The following DDX50 variants were observed in gnomAD, a reference collection of about 807,000 sequenced individuals.
DDX50 encodes the protein ATP-dependent RNA helicase DDX50.
Under a neutral mutation model 94.8 loss-of-function variants are expected in DDX50, and 56 were observed. The observed-to-expected ratio is 0.59, with a 90% CI of 0.48 to 0.74. The LOEUF is 0.74. Ranked by LOEUF, DDX50 falls within the 30% of genes least tolerant of loss-of-function variation. The pLI is 0.00. For missense variants in DDX50, 713 were observed against 881.2 expected (o/e 0.81, Z 2.42); for synonymous variants, 264 against 295.4 (o/e 0.89, Z 1.09).
At chr10:68,938,145 C>G (rs971614566) in intron 12 of DDX50, among the ~76,000 whole-genome samples, 27 of 152,238 alleles carry the variant, frequency 1.8e-4, no homozygotes, top group Admixed American at 1.4e-3. Flanking sequence ...TTGCACAGAC[C>G]TTTGTTAACT....
At position 68,929,945 on chromosome 10, in the gene DDX50, C is replaced by T. The variant is rs183432172; in HGVS notation, c.1240-4254C>T. ...ACGGGGTTTTGCCATGTTGGCCAGG[C>T]TGGTCTGGAACTCCTGACCTCAAGT... is the stretch of plus-strand genomic sequence containing the variant. On this transcript the variant is annotated intron_variant, in intron 8 of 14. Transcript: ENST00000373585. 3.8e-4 allele frequency among the ~76,000 whole-genome samples: 58 copies of T among 151,476 alleles called. No individual in the cohort carries two copies. The East Asian group carries it at 0.01, about 27-fold the overall frequency.
rs1472837376 is a variant in DDX50 at position 68,901,399 on chromosome 10, C to T, written c.15C>T (p.Leu5=). 3.8e-6 allele frequency: 6 copies of T among 1,563,354 alleles called. No individual in the cohort carries two copies. Among genetic ancestry groups the T allele is most frequent in the Middle Eastern group, 1.7e-4 (1 of 5,918 alleles). MPGK[L]LWGDIMELEA... ...GGTGGCCAGTAATGCCTGGGAAACT[C>T]CTCTGGGGGGACATTATGGAGCTGG... Residue 5 remains leucine, a synonymous_variant, in exon 1 of 15, where the codon CTC becomes CTT. Coordinates refer to ENST00000373585, the MANE Select transcript of DDX50 (RefSeq NM_024045.2).
chr10:68,936,503 AAAAAAAAAAAAAAT>A (rs1273110405), intron 11 of DDX50, among the ~76,000 whole-genome samples: 8 of 47,022 alleles, frequency 1.7e-4, no homozygotes, highest in African/African-American at 2.6e-4. Context: ...AAAAAAAAAA[AAAAAAAAAAAAAAT>A]ATATATATAT....
chr10:68,909,325 T>G (rs916137299), intron 2 of DDX50, among the ~76,000 whole-genome samples: 1 of 152,210 alleles, frequency 6.6e-6, no homozygotes, highest in African/African-American at 2.4e-5. Flanking sequence ...TATGTGCACA[T>G]TAGTATACAA....
chr10:68,911,258 A>G lies in DDX50; in HGVS notation c.639+12A>G, dbSNP rs533261069. On this transcript the variant is annotated intron_variant, in intron 4 of 14. Coordinates refer to ENST00000373585, the MANE Select transcript of DDX50 (RefSeq NM_024045.2). Reference sequence around the variant, plus strand: ...GCCGCTCACCAAAGGTAATCGTTATAGGGGGTAAAAGCTTTAAATGTTACT... The same window carrying G: ...GCCGCTCACCAAAGGTAATCGTTATGGGGGGTAAAAGCTTTAAATGTTACT... 38 of 1,558,226 alleles carry G rather than the reference A, an allele frequency of 2.4e-5. 1 individual carries two copies. The South Asian group carries it at 3.8e-4, about 16-fold the overall frequency.
chr10:68,935,447 T>C (rs1237342873), intron 10 of DDX50, among the ~76,000 whole-genome samples: 1 of 152,200 alleles, frequency 6.6e-6, no homozygotes, highest in Non-Finnish European at 1.5e-5. Context: ...AAATCAGGCT[T>C]GTTTTACAAG....
chr10:68,911,863 C>T (rs1182455052), intron 4 of DDX50: 21 of 152,076 alleles, frequency 1.4e-4, no homozygotes, highest in Admixed American at 1.4e-3. Flanking sequence ...AATCAACCAA[C>T]AGAGAGGACT....
intron 6 of DDX50, 103 bp downstream of exon 6, chr10:68,913,679 A>C: frequency 9.5e-7 from 1 of 1,057,750 alleles, no homozygotes; most frequent in East Asian, 2.7e-5. Flanking sequence ...CCTGCGTTCT[A>C]ACAAAACTAA....
chr10:68,944,998 G>A (rs549786571), intron 14 of DDX50, among the ~76,000 whole-genome samples: 1 of 152,180 alleles, frequency 6.6e-6, no homozygotes, highest in South Asian at 2.1e-4. Flanking sequence ...TGACTCCCAG[G>A]CATTTGGCCA....
At chr10:68,914,950 G>A (rs1274396813) in intron 7 of DDX50, among the ~76,000 whole-genome samples, 2 of 150,976 alleles carry the variant, frequency 1.3e-5, no homozygotes, top group East Asian at 2.0e-4. Context: ...GAACCCAGGA[G>A]GTGGAGGTTG....
intron 12 of DDX50, among the ~76,000 whole-genome samples, chr10:68,937,532 C>A (rs1386595312): frequency 2.7e-5 from 4 of 148,800 alleles, no homozygotes; most frequent in African/African-American, 7.4e-5. Context: ...TTTATCATTT[C>A]TTTGTTTTAG....
At chr10:68,931,311 C>T (rs984565292) in intron 8 of DDX50, among the ~76,000 whole-genome samples, 1 of 149,400 alleles carries the variant, frequency 6.7e-6, no homozygotes, top group Non-Finnish European at 1.5e-5. Flanking sequence ...CCACCGATAA[C>T]CTCTTTATTT....
Position 68,943,195 on chromosome 10 carries a change from G to T in DDX50, c.1891-18G>T. 1.9e-6 allele frequency: 3 copies of T among 1,602,110 alleles called. No individual in the cohort carries two copies. The highest frequency in any genetic ancestry group is 2.3e-5 in the South Asian group (2 of 87,468). ...ATATGCATCTAATTTAAAATGTTTTGCTTTGTTTTGCTTTTAGGGTGTTTG... is the reference window on the plus strand; with the variant it reads ...ATATGCATCTAATTTAAAATGTTTTTCTTTGTTTTGCTTTTAGGGTGTTTG... On this transcript the variant is annotated intron_variant, in intron 13 of 14. Coordinates refer to ENST00000373585, the MANE Select transcript of DDX50 (RefSeq NM_024045.2).
chr10:68,907,462 C>T (rs781530929), intron 2 of DDX50, among the ~76,000 whole-genome samples: 13 of 151,460 alleles, frequency 8.6e-5, no homozygotes, highest in African/African-American at 1.2e-4. Flanking sequence ...ATTACGGGCA[C>T]GCACCACCAT....
chr10:68,909,977 G>T (rs1233133119), intron 2 of DDX50, among the ~76,000 whole-genome samples: 1 of 152,120 alleles, frequency 6.6e-6, no homozygotes, highest in Non-Finnish European at 1.5e-5. Flanking sequence ...GATCTCTTGA[G>T]GCCAGGAGTT....
At chr10:68,917,676 C>T (rs1264452253) in intron 7 of DDX50, among the ~76,000 whole-genome samples, 1 of 152,182 alleles carries the variant, frequency 6.6e-6, no homozygotes, top group African/African-American at 2.4e-5. Context: ...GATCTCAGCT[C>T]ATTGCAGCCT....
intron 7 of DDX50, among the ~76,000 whole-genome samples, chr10:68,918,484 G>A (rs1841861826): frequency 7.6e-6 from 1 of 132,190 alleles, no homozygotes; most frequent in Non-Finnish European, 1.6e-5. Flanking sequence ...TGCCCAGGCT[G>A]GAGTGCAGTG....
chr10:68,901,471 G>C lies in DDX50; in HGVS notation c.87G>C (p.Lys29Asn). 6.4e-7 allele frequency: 1 copy of C among 1,566,322 alleles called. No homozygotes were observed. Among genetic ancestry groups the C allele is most frequent in the Non-Finnish European group, 8.7e-7 (1 of 1,155,994 alleles). The stretch of plus-strand genomic sequence containing the variant: ...AGAGCCAGAAGAAGGAGAGGCAAAA[G>C]GTGCGCTGAGCATGGGCCGCGCCTC... ...ESESQKKERQ[K>N]SDRRKSRHHY... Residue 29 changes from lysine to asparagine, a missense_variant and splice_region_variant, in exon 1 of 15, where the codon AAG (lysine) becomes AAC (asparagine). Lys to Asn is a moderately conservative substitution (Grantham distance 94, BLOSUM62 0). Around this residue, in one of 2 missense-constraint regions of DDX50, gnomAD observed 285 missense variants for 278.9 expected, o/e 1.02. Coordinates refer to ENST00000373585, the MANE Select transcript of DDX50 (RefSeq NM_024045.2).
chr10:68,928,651 T>C (rs1461971737), intron 8 of DDX50, among the ~76,000 whole-genome samples: 3 of 152,160 alleles, frequency 2.0e-5, no homozygotes, highest in Non-Finnish European at 4.4e-5. Context: ...AGTCATTGAG[T>C]ATATGGTAAT....
Sources: gnomAD v4.1 joint callset for allele counts (sites outside exome capture counted in the v4.1 genomes callset) on GRCh38, gnomAD v4.1.1 for gene constraint, gnomAD v4.1.1 regional missense constraint, MANE v1.5 for transcripts, NCBI Gene and HGNC (gene_info 2026-07-23, HGNC 2026-07-21) for gene names.